The following ATP8A2 variants were observed in gnomAD, a reference collection of about 807,000 sequenced individuals.
ATP8A2 encodes the protein ATPase phospholipid transporting 8A2.
Under a neutral mutation model 165.6 loss-of-function variants are expected in ATP8A2, and 100 were observed. That is an observed-to-expected ratio of 0.60 (90% CI 0.51 to 0.71). The LOEUF is 0.71. ATP8A2 is among the 30% of genes least tolerant of loss of function. The pLI is 0.00. For synonymous variants in ATP8A2, 543 were observed against 548.8 expected (o/e 0.99, Z 0.15); for missense variants, 1,227 against 1,479.5 (o/e 0.83, Z 2.80).
intron 2 of ATP8A2, among the ~76,000 whole-genome samples, chr13:25,523,199 G>T (rs67187703): frequency 0.12 from 18,139 of 151,496 alleles, 1,319 homozygotes; most frequent in Non-Finnish European, 0.18. Context: ...TTTATTATCA[G>T]GGTAATGCTG....
intron 30 of ATP8A2, among the ~76,000 whole-genome samples, chr13:25,849,064 C>T (rs1276619119): frequency 6.6e-6 from 1 of 152,134 alleles, no homozygotes; most frequent in Non-Finnish European, 1.5e-5. Flanking sequence ...TGCTTTGAAA[C>T]AGTGCTGCTG....
intron 25 of ATP8A2, among the ~76,000 whole-genome samples, chr13:25,737,656 G>C (rs147886508): frequency 5.5e-4 from 83 of 151,940 alleles, no homozygotes; most frequent in African/African-American, 1.9e-3. Flanking sequence ...ATGCCACCAC[G>C]CCTGGCTTTT....
In ATP8A2 at chr13:26,024,292, A is replaced by G. The variant is rs1593734222; in HGVS notation, c.*4307A>G. On this transcript the variant is annotated 3_prime_UTR_variant, in exon 37 of 37. Transcript: ENST00000381655. Reference sequence around the variant, plus strand: ...TCTTGAAAGGTGTTAACAGACCAGCACGCTCGATGTGTTGTACCCTTCATT... The same window carrying G: ...TCTTGAAAGGTGTTAACAGACCAGCGCGCTCGATGTGTTGTACCCTTCATT... 6.6e-6 allele frequency: 1 copy of G among 152,290 alleles called. No individual in the cohort carries two copies. Among genetic ancestry groups the G allele is most frequent in the Middle Eastern group, 3.4e-3 (1 of 294 alleles). 9.4% of individuals were successfully genotyped at this position (152,290 alleles called of 1,614,324 possible).
At chr13:25,818,987 C>G (rs1359235303) in intron 27 of ATP8A2, among the ~76,000 whole-genome samples, 1 of 152,128 alleles carries the variant, frequency 6.6e-6, no homozygotes, top group Non-Finnish European at 1.5e-5. Context: ...TGAAGTGATG[C>G]TTATTTGTTA....
At chr13:25,926,908 T>C (rs1307238651) in intron 33 of ATP8A2, among the ~76,000 whole-genome samples, 4 of 152,188 alleles carry the variant, frequency 2.6e-5, no homozygotes, top group Non-Finnish European at 5.9e-5. Context: ...CATGAACAAA[T>C]AGATTGAAAA....
At chr13:25,946,937 G>A (rs372002360) in intron 33 of ATP8A2, among the ~76,000 whole-genome samples, 16 of 152,072 alleles carry the variant, frequency 1.1e-4, no homozygotes, top group Non-Finnish European at 1.5e-4. Context: ...TAGTAGAGAC[G>A]GGGTTTCGCC....
At chr13:25,823,641 A>C (rs1039053085) in intron 27 of ATP8A2, among the ~76,000 whole-genome samples, 3 of 151,922 alleles carry the variant, frequency 2.0e-5, no homozygotes, top group Admixed American at 6.6e-5. Context: ...TCTCTTTGTT[A>C]CTTTTTCTGT....
intron 24 of ATP8A2, among the ~76,000 whole-genome samples, chr13:25,656,225 A>T (rs2041923690): frequency 6.6e-6 from 1 of 152,182 alleles, no homozygotes; most frequent in East Asian, 1.9e-4. Context: ...AAGTGCTCAC[A>T]TTAGCAAAAT....
At chr13:25,751,113 A>G (rs1774733754) in intron 25 of ATP8A2, among the ~76,000 whole-genome samples, 1 of 152,192 alleles carries the variant, frequency 6.6e-6, no homozygotes. Flanking sequence ...TGATTCTCCT[A>G]CAAGGAGATT....
At chr13:26,017,359 A>G (rs981543185) in intron 36 of ATP8A2, among the ~76,000 whole-genome samples, 5 of 152,254 alleles carry the variant, frequency 3.3e-5, no homozygotes, top group African/African-American at 1.2e-4. Flanking sequence ...AGTTGACCAC[A>G]GTACATAGCC....
chr13:25,535,277 G>C (rs2038242448), intron 6 of ATP8A2, among the ~76,000 whole-genome samples: 1 of 152,218 alleles, frequency 6.6e-6, no homozygotes, highest in Non-Finnish European at 1.5e-5. Flanking sequence ...AAGTGCTGAA[G>C]CTCAGATCTG....
At chr13:25,767,187 T>G (rs1344525119) in intron 25 of ATP8A2, among the ~76,000 whole-genome samples, 1 of 152,240 alleles carries the variant, frequency 6.6e-6, no homozygotes, top group Admixed American at 6.5e-5. Flanking sequence ...AGATCAGCCC[T>G]TGGCTTTAAG....
chr13:25,795,223 C>T (rs1371903056), intron 27 of ATP8A2, among the ~76,000 whole-genome samples: 1 of 152,142 alleles, frequency 6.6e-6, no homozygotes, highest in East Asian at 1.9e-4. Context: ...TGTGCTGGGG[C>T]AGGGAGGGAT....
At chr13:25,582,064 T>C in intron 23 of ATP8A2, 107 bp downstream of exon 23, 1 of 1,140,166 alleles carries the variant, frequency 8.8e-7, no homozygotes, top group East Asian at 2.5e-5. Flanking sequence ...AGATGATGTT[T>C]TATAGGAATC....
At chr13:25,413,529 G>A (rs1217531492) in intron 1 of ATP8A2, among the ~76,000 whole-genome samples, 2 of 151,996 alleles carry the variant, frequency 1.3e-5, no homozygotes, top group South Asian at 2.1e-4. Flanking sequence ...TGATCTGCCC[G>A]CCTTGGCCTC....
At chr13:25,499,859 G>C (rs2036797006) in intron 2 of ATP8A2, among the ~76,000 whole-genome samples, 1 of 152,202 alleles carries the variant, frequency 6.6e-6, no homozygotes, top group Non-Finnish European at 1.5e-5. Context: ...GGTAGGGGAA[G>C]ACCAACGGGC....
intron 24 of ATP8A2, among the ~76,000 whole-genome samples, chr13:25,615,878 TCA>T: frequency 6.6e-6 from 1 of 152,316 alleles, no homozygotes; most frequent in South Asian, 2.1e-4. Context: ...CTTTGGGCAC[TCA>T]CAGTTTTTTA....
chr13:25,699,278 C>G lies in ATP8A2; in HGVS notation c.2317C>G (p.Leu773Val). ...IIDGHTLKYALSFEVRRSFLD... is the reference protein window; with the variant it reads ...IIDGHTLKYAVSFEVRRSFLD... ...CGATGGCCACACCCTGAAGTACGCG[C>G]TCTCCTTCGAAGTCCGGAGGAGTTT... Residue 773 changes from leucine to valine, a missense_variant, in exon 25 of 37, where the codon CTC becomes GTC. Around this residue, in one of 5 missense-constraint regions of ATP8A2, gnomAD observed 592 missense variants for 785.6 expected, o/e 0.75. Coordinates refer to ENST00000381655, the MANE Select transcript of ATP8A2 (RefSeq NM_016529.6). 1 of 1,613,796 alleles carries G rather than the reference C, an allele frequency of 6.2e-7. No individual in the cohort carries two copies. The highest frequency in any genetic ancestry group is 8.5e-7 in the Non-Finnish European group (1 of 1,179,830).
At chr13:25,561,416 T>A (rs1217577207) in intron 15 of ATP8A2, among the ~76,000 whole-genome samples, 1 of 152,126 alleles carries the variant, frequency 6.6e-6, no homozygotes, top group Admixed American at 6.5e-5. Context: ...TGATCTTCTA[T>A]CCTTCGTCAT....
Sources: allele counts gnomAD v4.1 joint callset (sites outside exome capture counted in the v4.1 genomes callset), GRCh38; gene constraint gnomAD v4.1.1; regional missense constraint gnomAD v4.1.1; transcripts MANE v1.5; gene names NCBI Gene and HGNC (gene_info 2026-07-23, HGNC 2026-07-21).